HTR7: variants seen among roughly 807,000 people sequenced by gnomAD.
The protein encoded by HTR7 is 5-hydroxytryptamine receptor 7.
Under a neutral mutation model 34.0 loss-of-function variants are expected in HTR7, and 16 were observed. The ratio of observed to expected loss-of-function variants is 0.47; its 90% CI spans 0.32 to 0.71. HTR7 has a LOEUF of 0.71. HTR7 is among the 30% of genes least tolerant of loss of function. The pLI is 0.04. For synonymous variants in HTR7, 265 were observed against 260.2 expected, an observed-to-expected ratio of 1.02 and a Z score of -0.18; for missense variants, 504 against 625.5, an observed-to-expected ratio of 0.81 and a Z score of 2.07.
chr10:90,853,056 A>G (rs142352334), intron 1 of HTR7, among the ~76,000 whole-genome samples: 1,803 of 152,234 alleles, frequency 0.012, 18 homozygotes, highest in Non-Finnish European at 0.019. Flanking sequence ...GTCTATATCC[A>G]CCACCGAGAT....
chr10:90,756,484 C>T (rs114208319), intron 1 of HTR7, among the ~76,000 whole-genome samples: 1,861 of 152,206 alleles, frequency 0.012, 31 homozygotes, highest in African/African-American at 0.038. Flanking sequence ...AAACCATTTC[C>T]ATCAGTGTTT....
At chr10:90,783,603 C>T (rs1845339509) in intron 1 of HTR7, among the ~76,000 whole-genome samples, 1 of 152,124 alleles carries the variant, frequency 6.6e-6, no homozygotes, top group Admixed American at 6.5e-5. Flanking sequence ...AAAATTTTAT[C>T]CAGGCTTTTT....
chr10:90,857,710 C>A lies in HTR7; in HGVS notation c.-39G>T, dbSNP rs770841877. ...GCCGCTGCCCATGGAGCCGGCGCCCCGGCCACGCGCCTCCGGCTGCCGGCC... is the reference window on the plus strand; with the variant it reads ...GCCGCTGCCCATGGAGCCGGCGCCCAGGCCACGCGCCTCCGGCTGCCGGCC... On this transcript the variant is annotated 5_prime_UTR_variant, in exon 1 of 4. Transcript: ENST00000336152. The surrounding 1 kb of genome is among the most constrained non-coding windows in gnomAD (Gnocchi z 6.5). 1 of 1,441,446 alleles carries A rather than the reference C, an allele frequency of 6.9e-7. No homozygotes were observed. Among genetic ancestry groups the A allele is most frequent in the Non-Finnish European group, 9.0e-7 (1 of 1,110,834 alleles). 89.3% of individuals were successfully genotyped at this position (1,441,446 alleles called of 1,614,324 possible).
At chr10:90,777,559 G>C (rs1845238787) in intron 1 of HTR7, among the ~76,000 whole-genome samples, 1 of 151,404 alleles carries the variant, frequency 6.6e-6, no homozygotes, top group Non-Finnish European at 1.5e-5. Context: ...ACAGGCAAAA[G>C]GCCAAAAGGC....
At chr10:90,777,069 C>T (rs981087373) in intron 1 of HTR7, among the ~76,000 whole-genome samples, 5 of 152,102 alleles carry the variant, frequency 3.3e-5, no homozygotes, top group Non-Finnish European at 7.4e-5. Flanking sequence ...TAAGGTTTTC[C>T]TCTGAGGGTC....
chr10:90,839,610 C>T (rs147541966), intron 1 of HTR7, among the ~76,000 whole-genome samples: 1 of 152,226 alleles, frequency 6.6e-6, no homozygotes, highest in East Asian at 1.9e-4. Context: ...TGAAATAAAG[C>T]TCCCCAAACA....
chr10:90,846,411 T>C (rs1846413777), intron 1 of HTR7, among the ~76,000 whole-genome samples: 1 of 152,188 alleles, frequency 6.6e-6, no homozygotes, highest in African/African-American at 2.4e-5. Flanking sequence ...CAGTTGAGAT[T>C]AAGTTCAGCT....
At chr10:90,840,172 C>G (rs886293478) in intron 1 of HTR7, among the ~76,000 whole-genome samples, 3 of 129,350 alleles carry the variant, frequency 2.3e-5, no homozygotes, top group African/African-American at 8.5e-5. Flanking sequence ...TTCTCTCTCT[C>G]TCTCTCACAC....
chr10:90,854,475 T>C (rs753677538), intron 1 of HTR7, among the ~76,000 whole-genome samples: 9 of 152,088 alleles, frequency 5.9e-5, no homozygotes, highest in Non-Finnish European at 1.2e-4. Context: ...AAAGTCCAAG[T>C]AGTTTGGTAT....
At chr10:90,833,871 T>C (rs903855852) in intron 1 of HTR7, among the ~76,000 whole-genome samples, 4 of 152,212 alleles carry the variant, frequency 2.6e-5, no homozygotes, top group Non-Finnish European at 2.9e-5. Flanking sequence ...CATCACATAA[T>C]GCTATTTGAA....
intron 1 of HTR7, among the ~76,000 whole-genome samples, chr10:90,814,460 T>C (rs1456542643): frequency 6.6e-6 from 1 of 152,172 alleles, no homozygotes; most frequent in Non-Finnish European, 1.5e-5. Context: ...CTTCCCCTCA[T>C]GGGTCTTACA....
At chr10:90,777,869 T>A (rs541871343) in intron 1 of HTR7, among the ~76,000 whole-genome samples, 1 of 152,280 alleles carries the variant, frequency 6.6e-6, no homozygotes, top group Non-Finnish European at 1.5e-5. Context: ...GTATGAGAGA[T>A]CAAAATCTGT....
In HTR7 at chr10:90,742,344, C is replaced by G. The variant is rs1355525660; in HGVS notation, c.*138G>C. The G allele has an allele frequency of 2.3e-5, 15 of 641,900 alleles. No individual in the cohort carries two copies. Among genetic ancestry groups the G allele is most frequent in the Non-Finnish European group, 3.8e-5 (14 of 365,860 alleles). The allele number at this position is 641,900 out of a possible 1,614,324, so 39.8% of individuals were successfully genotyped here. ...CTCCCTCATAAGATAGTGTGTACAA[C>G]AGATCACCCTGTTTGTCATGTTTTA... On this transcript the variant is annotated 3_prime_UTR_variant, in exon 4 of 4. Coordinates refer to ENST00000336152, the MANE Select transcript of HTR7 (RefSeq NM_019859.4).
chr10:90,844,725 T>TA lies in HTR7; in HGVS notation c.539+12407_539+12408insT, dbSNP rs1564701422. 4.0e-3 allele frequency among the ~76,000 whole-genome samples: 110 copies of TA among 27,790 alleles called. 16 individuals carry two copies. Among genetic ancestry groups the TA allele is most frequent in the East Asian group, 8.7e-3 (9 of 1,036 alleles). 18.2% of individuals were successfully genotyped at this position (27,790 alleles called of 152,430 possible). ...CTGGGCAACAGAATGAGACTCCGTC[T>TA]CAAAAAAAAAAAAAAAAAAAAAAAA... On this transcript the variant is annotated intron_variant, in intron 1 of 3. Transcript: ENST00000336152.
chr10:90,810,528 T>C (rs1845789343), intron 1 of HTR7, among the ~76,000 whole-genome samples: 1 of 152,186 alleles, frequency 6.6e-6, no homozygotes. Flanking sequence ...TTACCTGTCC[T>C]AAAACCAGAC....
intron 1 of HTR7, among the ~76,000 whole-genome samples, chr10:90,835,805 C>T (rs1846244631): frequency 6.6e-6 from 1 of 152,068 alleles, no homozygotes; most frequent in African/African-American, 2.4e-5. Context: ...TAACCCAGAC[C>T]TCAGTGTCAG....
chr10:90,798,912 A>G (rs1845581228), intron 1 of HTR7, among the ~76,000 whole-genome samples: 1 of 152,210 alleles, frequency 6.6e-6, no homozygotes, highest in African/African-American at 2.4e-5. Context: ...CCCGAGAACT[A>G]GACCGCCTTT....
chr10:90,767,907 G>T (rs1845047884), intron 1 of HTR7, among the ~76,000 whole-genome samples: 1 of 152,088 alleles, frequency 6.6e-6, no homozygotes, highest in African/African-American at 2.4e-5. Flanking sequence ...TTGGATCCCA[G>T]CCAAGACTTC....
intron 1 of HTR7, among the ~76,000 whole-genome samples, chr10:90,753,382 A>G (rs190069856): frequency 2.0e-3 from 306 of 152,286 alleles, no homozygotes; most frequent in African/African-American, 6.7e-3. Context: ...AAAGAGAGAG[A>G]GAGAGAGAGA....
Sources: gnomAD v4.1 joint callset for allele counts (sites outside exome capture counted in the v4.1 genomes callset) on GRCh38, gnomAD v4.1.1 for gene constraint, Gnocchi (gnomAD v3.1) non-coding constraint, MANE v1.5 for transcripts, NCBI Gene and HGNC (gene_info 2026-07-23, HGNC 2026-07-21) for gene names.